The following CADPS variants were observed in gnomAD, a reference collection of about 807,000 sequenced individuals.
The protein encoded by CADPS is calcium-dependent secretion activator 1.
In CADPS, 57 loss-of-function variants were observed where a neutral mutation model predicts 167.3. That is an observed-to-expected ratio of 0.34 (90% CI 0.28 to 0.42). CADPS has a LOEUF of 0.42. Ranked by LOEUF, CADPS falls within the 20% of genes least tolerant of loss-of-function variation. CADPS has a pLI of 1.00. For synonymous variants in CADPS, 676 were observed against 635.3 expected (o/e 1.06, Z -0.96); for missense variants, 1,414 against 1,738.1 (o/e 0.81, Z 3.32).
At chr3:62,659,503 A>G (rs940572270) in intron 4 of CADPS, among the ~76,000 whole-genome samples, 1 of 152,220 alleles carries the variant, frequency 6.6e-6, no homozygotes, top group Non-Finnish European at 1.5e-5. Flanking sequence ...GGATGTCCTC[A>G]GGATTGTGGG....
At chr3:62,741,434 T>TG (rs1432071462) in intron 3 of CADPS, among the ~76,000 whole-genome samples, 1 of 152,162 alleles carries the variant, frequency 6.6e-6, no homozygotes, top group Non-Finnish European at 1.5e-5. Context: ...TATGATCAAG[T>TG]AGGACTTCAA....
At chr3:62,734,488 C>T (rs2078587584) in intron 3 of CADPS, among the ~76,000 whole-genome samples, 1 of 152,122 alleles carries the variant, frequency 6.6e-6, no homozygotes, top group Non-Finnish European at 1.5e-5. Context: ...GAAGTAGCCA[C>T]TATTCTGATT....
chr3:62,466,346 A>G lies in CADPS; in HGVS notation c.3545T>C (p.Val1182Ala), dbSNP rs1448126960. The G allele has an allele frequency of 9.3e-6, 15 of 1,609,626 alleles. No homozygotes were observed. The highest frequency in any genetic ancestry group is 1.2e-5 in the Non-Finnish European group (14 of 1,176,110). ...ETVKEMITLL[V>A]AKFVTILEGV... ...CCTGAAGCTGGAGGTTACCTTTGCA[A>G]CCAAGAGTGTTATCATTTCTTTAAC... Residue 1182 changes from valine (V) to alanine (A), a missense_variant, in exon 25 of 30, where the codon GTT becomes GCT. By Grantham distance (64) the Val-to-Ala change is moderately conservative (BLOSUM62 0). This residue lies in a region of CADPS where 185 missense variants were observed against 251.5 expected (regional missense o/e 0.74). Coordinates refer to ENST00000383710, the MANE Select transcript of CADPS (RefSeq NM_003716.4).
At chr3:62,836,451 A>T (rs926574998) in intron 1 of CADPS, among the ~76,000 whole-genome samples, 2 of 152,156 alleles carry the variant, frequency 1.3e-5, no homozygotes, top group African/African-American at 4.8e-5. Flanking sequence ...CAAAAGGACC[A>T]CAAAAGGAAG....
chr3:62,410,417 T>G lies in CADPS; in HGVS notation c.3778-7232A>C, dbSNP rs894131073. Among the ~76,000 whole-genome samples, 10 of 152,242 alleles carry G rather than the reference T, an allele frequency of 6.6e-5. No homozygotes were observed. The South Asian group carries it at 1.9e-3, about 28-fold the overall frequency. On this transcript the variant is annotated intron_variant, in intron 28 of 29. Coordinates refer to ENST00000383710, the MANE Select transcript of CADPS (RefSeq NM_003716.4). ...CTAAACAGTGCTGTGGCTGAATCTT[T>G]ATCATCATCCATAGTTTCACTTCAC...
intron 28 of CADPS, among the ~76,000 whole-genome samples, chr3:62,405,484 G>C (rs1708150876): frequency 6.6e-6 from 1 of 150,490 alleles, no homozygotes; most frequent in Non-Finnish European, 1.5e-5. Flanking sequence ...GCAACCCCCT[G>C]CCGCCCCTCC....
intron 21 of CADPS, among the ~76,000 whole-genome samples, chr3:62,489,193 G>A (rs2063306184): frequency 6.6e-6 from 1 of 151,894 alleles, no homozygotes; most frequent in South Asian, 2.1e-4. Flanking sequence ...CGGCATCTCG[G>A]TCTGTCACCC....
rs955284203 is a variant in CADPS, at chr3:62,874,892, G to C, written c.138C>G (p.Ala46=). The C allele has an allele frequency of 1.7e-5, 23 of 1,315,802 alleles. No homozygotes were observed. The African/African-American group carries it at 3.1e-4, about 18-fold the overall frequency. 81.5% of individuals were successfully genotyped at this position (1,315,802 alleles called of 1,614,324 possible). ...SRTSEGSAGS[A]GLGGGGAGAG... is the part of the protein sequence containing the mutation. The stretch of plus-strand genomic sequence containing the variant: ...CGCCGGCGCCGCCGCCCCCCAGCCC[G>C]GCGCTGCCGGCCGAGCCCTCGCTGG... Residue 46 remains alanine (A), a synonymous_variant, in exon 1 of 30, where the codon GCC becomes GCG. Coordinates refer to ENST00000383710, the MANE Select transcript of CADPS (RefSeq NM_003716.4). The surrounding 1 kb of genome is among the most constrained non-coding windows in gnomAD (Gnocchi z 7.1).
At chr3:62,403,306 G>A in intron 28 of CADPS, 121 bp from the exon 29 acceptor site, 1 of 662,814 alleles carries the variant, frequency 1.5e-6, no homozygotes, top group Non-Finnish European at 2.7e-6. Flanking sequence ...TGGTTAAAGA[G>A]AATTTGAGAG....
chr3:62,533,872 G>C (rs1462485606), intron 12 of CADPS, among the ~76,000 whole-genome samples: 2 of 152,168 alleles, frequency 1.3e-5, no homozygotes, highest in Non-Finnish European at 2.9e-5. Context: ...TCCTGGTTTA[G>C]AGTTTTATTT....
chr3:62,761,808 G>T (rs926387209), intron 2 of CADPS, among the ~76,000 whole-genome samples: 11 of 152,120 alleles, frequency 7.2e-5, no homozygotes, highest in African/African-American at 2.7e-4. Flanking sequence ...AGGACCAGGG[G>T]TGTGAGAACC....
At chr3:62,636,375 G>A (rs1201700225) in intron 6 of CADPS, among the ~76,000 whole-genome samples, 2 of 152,184 alleles carry the variant, frequency 1.3e-5, no homozygotes, top group African/African-American at 4.8e-5. Flanking sequence ...GACTGCAGCT[G>A]TTAAAGACTG....
chr3:62,858,439 T>C (rs1286970108), intron 1 of CADPS, among the ~76,000 whole-genome samples: 1 of 152,140 alleles, frequency 6.6e-6, no homozygotes, highest in South Asian at 2.1e-4. Flanking sequence ...TTGGATCACC[T>C]GGGCACCTGT....
intron 27 of CADPS, among the ~76,000 whole-genome samples, chr3:62,445,250 C>T (rs1026052408): frequency 6.6e-6 from 1 of 152,176 alleles, no homozygotes; most frequent in Non-Finnish European, 1.5e-5. Flanking sequence ...TTCCTTAAAA[C>T]AATTGCAGAA....
chr3:62,725,835 A>C (rs1472338893), intron 3 of CADPS, among the ~76,000 whole-genome samples: 2 of 151,836 alleles, frequency 1.3e-5, no homozygotes, highest in Non-Finnish European at 2.9e-5. Flanking sequence ...ATGGCATTCT[A>C]CAGGATCACA....
chr3:62,820,795 G>GTTTTTTTTTTTTTTTTTTTTTT (rs5849504), intron 1 of CADPS, among the ~76,000 whole-genome samples: 1 of 137,996 alleles, frequency 7.2e-6, no homozygotes. Context: ...CTTTTTTTTG[G>GTTTTTTTTTTTTTTTTTTTTTT]TTTTTTTTTT....
chr3:62,535,335 T>A (rs1361358984), intron 12 of CADPS, among the ~76,000 whole-genome samples: 1 of 151,542 alleles, frequency 6.6e-6, no homozygotes, highest in Non-Finnish European at 1.5e-5. Context: ...AATCAATGAA[T>A]CTTTCATGAG....
At chr3:62,495,689 A>G (rs1334287753) in intron 18 of CADPS, among the ~76,000 whole-genome samples, 1 of 152,228 alleles carries the variant, frequency 6.6e-6, no homozygotes, top group Non-Finnish European at 1.5e-5. Flanking sequence ...CACAATACAT[A>G]TATACATATA....
chr3:62,757,861 G>A (rs370136487), intron 2 of CADPS, among the ~76,000 whole-genome samples: 2 of 152,302 alleles, frequency 1.3e-5, no homozygotes, highest in East Asian at 3.9e-4. Context: ...ATGGCAGCAG[G>A]CAAGAGAGCA....
Sources: gnomAD v4.1 joint callset for allele counts (sites outside exome capture counted in the v4.1 genomes callset) on GRCh38, gnomAD v4.1.1 for gene constraint, gnomAD v4.1.1 regional missense constraint, Gnocchi (gnomAD v3.1) non-coding constraint, MANE v1.5 for transcripts, NCBI Gene and HGNC (gene_info 2026-07-23, HGNC 2026-07-21) for gene names.